The following HKDC1 variants were observed in gnomAD, a reference collection of about 807,000 sequenced individuals.
The protein encoded by HKDC1 is hexokinase HKDC1.
Under a neutral mutation model 96.6 loss-of-function variants are expected in HKDC1, and 66 were observed. The ratio of observed to expected loss-of-function variants is 0.68; its 90% CI spans 0.56 to 0.84. The LOEUF is 0.84. Ranked by LOEUF, HKDC1 falls within the 40% of genes least tolerant of loss-of-function variation. The probability of loss-of-function intolerance (pLI) is 0.00; values close to 1 mark genes in which losing one functional copy is unlikely to be tolerated. For synonymous variants in HKDC1, 466 were observed against 473.1 expected, an observed-to-expected ratio of 0.98 and a Z score of 0.20; for missense variants, 1,211 against 1,208.1, an observed-to-expected ratio of 1.00 and a Z score of -0.04.
intron 17 of HKDC1, among the ~76,000 whole-genome samples, chr10:69,266,376 G>A (rs1843897955): frequency 6.6e-6 from 1 of 152,000 alleles, no homozygotes; most frequent in East Asian, 1.9e-4. Flanking sequence ...CTGAGCTGGG[G>A]GGCTTGAGCC....
chr10:69,257,101 C>A lies in HKDC1; in HGVS notation c.1902C>A (p.Asp634Glu), dbSNP rs758513369. ...ACTGTGAAGGGGAGGACGTGGTGGA[C>A]ATGCTCAGGGAAGCCATCAAGAGGA... is the stretch of plus-strand genomic sequence containing the variant. ...ATDCEGEDVVDMLREAIKRRN... is the reference protein window; with the variant it reads ...ATDCEGEDVVEMLREAIKRRN... Residue 634 changes from aspartate to glutamate, a missense_variant, in exon 13 of 18, where the codon GAC (aspartate) becomes GAA (glutamate). Asp to Glu is a conservative substitution (Grantham distance 45). Transcript: ENST00000354624. 8.7e-6 allele frequency: 14 copies of A among 1,613,942 alleles called. No homozygotes were observed. Among genetic ancestry groups the A allele is most frequent in the Non-Finnish European group, 1.0e-5 (12 of 1,179,992 alleles).
At chr10:69,255,576 GC>G (rs1320044183) in intron 12 of HKDC1, among the ~76,000 whole-genome samples, 1 of 152,166 alleles carries the variant, frequency 6.6e-6, no homozygotes, top group Non-Finnish European at 1.5e-5. Flanking sequence ...ACTAACTCCT[GC>G]CTCAGGCTAA....
chr10:69,255,965 CAT>C (rs1233732622), intron 12 of HKDC1, among the ~76,000 whole-genome samples: 1 of 150,460 alleles, frequency 6.6e-6, no homozygotes, highest in Non-Finnish European at 1.5e-5. Flanking sequence ...TTATAAAAAT[CAT>C]ATATGTTAAT....
chr10:69,243,037 C>T (rs1250642415), intron 6 of HKDC1, 145 bp from the exon 7 acceptor site: 1 of 738,508 alleles, frequency 1.4e-6, no homozygotes, highest in Non-Finnish European at 2.3e-6. Context: ...CTTGCCCAAG[C>T]TGCTTCCCTC....
At chr10:69,250,990 C>T (rs117479304) in intron 12 of HKDC1, among the ~76,000 whole-genome samples, 620 of 151,402 alleles carry the variant, frequency 4.1e-3, no homozygotes, top group Non-Finnish European at 7.4e-3. Flanking sequence ...GTAATACGAT[C>T]TGTGTCTTTC....
At chr10:69,252,898 GCC>G in intron 12 of HKDC1, among the ~76,000 whole-genome samples, 1 of 151,854 alleles carries the variant, frequency 6.6e-6, no homozygotes, top group East Asian at 1.9e-4. Flanking sequence ...ACCGTGGGAG[GCC>G]AAGATGGGAG....
intron 15 of HKDC1, 85 bp from the exon 16 acceptor site, chr10:69,261,054 C>A (rs1318704022): frequency 7.9e-7 from 1 of 1,270,894 alleles, no homozygotes; most frequent in Non-Finnish European, 1.1e-6. Flanking sequence ...TTGCTCCATG[C>A]GTAGCTCCAA....
chr10:69,238,152 C>T (rs1175648634), intron 4 of HKDC1, among the ~76,000 whole-genome samples: 1 of 152,198 alleles, frequency 6.6e-6, no homozygotes, highest in Non-Finnish European at 1.5e-5. Context: ...CTATGTTGCC[C>T]AGGCAGGCCT....
intron 2 of HKDC1, 177 bp from the exon 3 acceptor site, chr10:69,232,587 C>A (rs892337629): frequency 1.6e-6 from 1 of 631,048 alleles, no homozygotes. Flanking sequence ...CTCAGCTCTG[C>A]GCCTTACCTC....
chr10:69,226,898 T>G (rs916703377), intron 1 of HKDC1, among the ~76,000 whole-genome samples: 1 of 152,176 alleles, frequency 6.6e-6, no homozygotes, highest in African/African-American at 2.4e-5. Flanking sequence ...TCGGAAACCC[T>G]GAATCCTTCT....
At chr10:69,264,197 CTGTGTGTGTGTGTGTGTGTGTG>C (rs34401681) in intron 16 of HKDC1, among the ~76,000 whole-genome samples, 2 of 139,542 alleles carry the variant, frequency 1.4e-5, no homozygotes, top group Middle Eastern at 3.6e-3. Context: ...AGATTTCCTT[CTGTGTGTGTGTGTGTGTGTGTG>C]TGTGTGTGTG....
chr10:69,239,511 T>C (rs1168073543), intron 5 of HKDC1, among the ~76,000 whole-genome samples: 1 of 152,208 alleles, frequency 6.6e-6, no homozygotes, highest in African/African-American at 2.4e-5. Context: ...ATATTCTTTC[T>C]GGGCTGGTTC....
intron 6 of HKDC1, 114 bp from the exon 7 acceptor site, chr10:69,243,068 G>A: frequency 9.5e-7 from 1 of 1,048,072 alleles, no homozygotes; most frequent in Non-Finnish European, 1.4e-6. Context: ...AGCCCCCAGG[G>A]AATGAAAAGC....
intron 10 of HKDC1, 135 bp downstream of exon 10, chr10:69,248,863 A>G: frequency 1.3e-6 from 1 of 793,456 alleles, no homozygotes; most frequent in South Asian, 1.9e-5. Context: ...GAAGAAGGCT[A>G]GTATTCTTTC....
In HKDC1 at chr10:69,248,700, C is replaced by T. The variant is rs1843586862; in HGVS notation, c.1542C>T (p.Thr514=). ...TGGCCACGGTCAGGATGCTGCCCAC[C>T]TACGTCTGCGGGCTGCCGGACGGCA... ...HGLATVRMLP[T]YVCGLPDGTE... is the part of the protein sequence containing the mutation. Residue 514 remains threonine (T), a synonymous_variant, in exon 10 of 18, where the codon ACC becomes ACT. Coordinates refer to ENST00000354624, the MANE Select transcript of HKDC1 (RefSeq NM_025130.4). 1 of 1,611,738 alleles carries T rather than the reference C, an allele frequency of 6.2e-7. No homozygotes were observed. The highest frequency in any genetic ancestry group is 8.5e-7 in the Non-Finnish European group (1 of 1,178,380).
At chr10:69,233,221 C>T in intron 4 of HKDC1, 88 bp downstream of exon 4, 5 of 1,508,892 alleles carry the variant, frequency 3.3e-6, no homozygotes, top group South Asian at 2.4e-5. Context: ...CAGGAGAGAA[C>T]AGCAGGAGCT....
intron 4 of HKDC1, among the ~76,000 whole-genome samples, chr10:69,233,815 G>A (rs539086026): frequency 4.0e-5 from 6 of 150,732 alleles, no homozygotes; most frequent in East Asian, 2.0e-4. Context: ...GGAGAATGGC[G>A]TGAACCCGGG....
chr10:69,236,478 C>G (rs1178822018), intron 4 of HKDC1, among the ~76,000 whole-genome samples: 1 of 150,706 alleles, frequency 6.6e-6, no homozygotes, highest in Non-Finnish European at 1.5e-5. Flanking sequence ...TAAGGAAGGG[C>G]ATTTAATTAT....
At chr10:69,248,328 A>C in intron 9 of HKDC1, 96 bp from the exon 10 acceptor site, 1 of 1,287,624 alleles carries the variant, frequency 7.8e-7, no homozygotes, top group Non-Finnish European at 1.1e-6. Context: ...CCCGCCCCGC[A>C]GGGCCCTCCG....
Sources: gnomAD v4.1 joint callset for allele counts (sites outside exome capture counted in the v4.1 genomes callset) on GRCh38, gnomAD v4.1.1 for gene constraint, MANE v1.5 for transcripts, NCBI Gene and HGNC (gene_info 2026-07-23, HGNC 2026-07-21) for gene names.